Variants in COA1 observed in about 807,000 individuals in gnomAD.
COA1 encodes the protein cytochrome c oxidase assembly factor 1, also known as cytochrome c oxidase assembly factor 1 homolog.
Under a neutral mutation model 16.0 loss-of-function variants are expected in COA1, and 13 were observed. That is an observed-to-expected ratio of 0.81 (90% CI 0.53 to 1.29). The LOEUF is 1.29. COA1 is among the 50% of genes most tolerant of loss of function. COA1 has a pLI of 0.00. For synonymous variants in COA1, 65 were observed against 65.7 expected (o/e 0.99, Z 0.05); for missense variants, 179 against 177.0 (o/e 1.01, Z -0.06).
At chr7:43,649,284 G>A (rs916123375) in intron 1 of COA1, 1 of 152,268 alleles carries the variant, frequency 6.6e-6, no homozygotes, top group African/African-American at 2.4e-5. Flanking sequence ...GCACTAATAA[G>A]TGAATAAGTG....
At chr7:43,616,891 C>T (rs1452746780) in intron 6 of COA1, among the ~76,000 whole-genome samples, 3 of 151,998 alleles carry the variant, frequency 2.0e-5, no homozygotes, top group Admixed American at 1.3e-4. Flanking sequence ...AGTGAGACTC[C>T]GTCTCAAAAA....
At chr7:43,640,414 T>C (rs1215658120) in intron 5 of COA1, among the ~76,000 whole-genome samples, 159 bp downstream of exon 5, 1 of 152,258 alleles carries the variant, frequency 6.6e-6, no homozygotes, top group African/African-American at 2.4e-5. Context: ...GCCGCAGTAC[T>C]GGCTTGCTGC....
chr7:43,663,171 G>A (rs1584643834), intron 1 of COA1, among the ~76,000 whole-genome samples: 2 of 152,162 alleles, frequency 1.3e-5, no homozygotes, highest in East Asian at 1.9e-4. Context: ...GCTCTCTCTC[G>A]CTCCTGCTCT....
intron 1 of COA1, among the ~76,000 whole-genome samples, chr7:43,672,022 T>C (rs1377052236): frequency 6.6e-6 from 1 of 152,094 alleles, no homozygotes; most frequent in Admixed American, 6.5e-5. Context: ...TAATACACTA[T>C]GCATCCAACA....
At chr7:43,720,995 CA>C (rs2095495646) in intron 1 of COA1, among the ~76,000 whole-genome samples, 1 of 152,196 alleles carries the variant, frequency 6.6e-6, no homozygotes, top group Non-Finnish European at 1.5e-5. Flanking sequence ...CACCAACTAC[CA>C]GAGATGTTAT....
intron 3 of COA1, chr7:43,646,271 T>C (rs1032966442): frequency 7.6e-5 from 21 of 275,304 alleles, no homozygotes; most frequent in African/African-American, 4.2e-4. Context: ...CCAGCTATGA[T>C]AGGAAAAGAA....
At chr7:43,682,499 A>G (rs531518404) in intron 1 of COA1, among the ~76,000 whole-genome samples, 2 of 152,338 alleles carry the variant, frequency 1.3e-5, no homozygotes, top group Admixed American at 6.5e-5. Context: ...TATTACAGAA[A>G]GTGAAGTAAT....
chr7:43,653,811 GGA>G (rs1482133435), intron 1 of COA1, among the ~76,000 whole-genome samples: 1 of 152,086 alleles, frequency 6.6e-6, no homozygotes, highest in Non-Finnish European at 1.5e-5. Flanking sequence ...AAGACTGCCT[GGA>G]GAGAGGGTCC....
intron 1 of COA1, among the ~76,000 whole-genome samples, chr7:43,725,398 A>G (rs1391991993): frequency 6.6e-6 from 1 of 152,228 alleles, no homozygotes; most frequent in Non-Finnish European, 1.5e-5. Flanking sequence ...TTTAAAAAAG[A>G]AAAGACAAAA....
intron 1 of COA1, among the ~76,000 whole-genome samples, chr7:43,707,346 T>C (rs1159156793): frequency 6.6e-6 from 1 of 152,188 alleles, no homozygotes; most frequent in Non-Finnish European, 1.5e-5. Context: ...ATTTACTGGG[T>C]ATTAAAAACT....
At chr7:43,706,079 C>T (rs1244105151) in intron 1 of COA1, among the ~76,000 whole-genome samples, 1 of 152,118 alleles carries the variant, frequency 6.6e-6, no homozygotes, top group Non-Finnish European at 1.5e-5. Flanking sequence ...AGATAGCCAT[C>T]TTGCTATTTG....
intron 1 of COA1, among the ~76,000 whole-genome samples, chr7:43,670,782 C>A (rs1032452069): frequency 1.3e-5 from 2 of 152,164 alleles, no homozygotes; most frequent in African/African-American, 4.8e-5. Flanking sequence ...TCTTTTCATT[C>A]TCCACTAAAA....
At chr7:43,685,691 C>G (rs910488857) in intron 1 of COA1, among the ~76,000 whole-genome samples, 2 of 152,172 alleles carry the variant, frequency 1.3e-5, no homozygotes, top group African/African-American at 4.8e-5. Context: ...CTGTCAGAAT[C>G]AGAGTCCTGG....
chr7:43,623,793 C>T (rs778221851), intron 6 of COA1: 2 of 1,608,208 alleles, frequency 1.2e-6, no homozygotes, highest in South Asian at 2.2e-5. Flanking sequence ...TCTTAAACAT[C>T]TCACAGATGA....
intron 1 of COA1, among the ~76,000 whole-genome samples, chr7:43,700,571 CATATATACGTGT>C (rs754438285): frequency 8.0e-5 from 11 of 136,850 alleles, no homozygotes; most frequent in African/African-American, 1.4e-4. Context: ...TATATGTACA[CATATATACGTGT>C]ATATATACGT....
chr7:43,653,857 A>T (rs2091295052), intron 1 of COA1, among the ~76,000 whole-genome samples: 1 of 152,120 alleles, frequency 6.6e-6, no homozygotes, highest in Admixed American at 6.5e-5. Context: ...GATTTTTTTT[A>T]AAGATTAATA....
chr7:43,709,227 C>T (rs1191600688), intron 1 of COA1, among the ~76,000 whole-genome samples: 1 of 151,868 alleles, frequency 6.6e-6, no homozygotes, highest in Non-Finnish European at 1.5e-5. Flanking sequence ...GGGGTTTCAC[C>T]ATGTTAGCCA....
At chr7:43,683,840 A>G (rs1381221551) in intron 1 of COA1, among the ~76,000 whole-genome samples, 1 of 152,214 alleles carries the variant, frequency 6.6e-6, no homozygotes, top group Non-Finnish European at 1.5e-5. Context: ...TTCTTGCTGC[A>G]TAAGAAAGTC....
intron 1 of COA1, among the ~76,000 whole-genome samples, chr7:43,701,220 A>G (rs892506695): frequency 2.6e-5 from 4 of 152,054 alleles, no homozygotes; most frequent in Non-Finnish European, 5.9e-5. Context: ...TAAGCATAGT[A>G]CCCAATAGGT....
Sources: allele counts gnomAD v4.1 joint callset (sites outside exome capture counted in the v4.1 genomes callset), GRCh38; gene constraint gnomAD v4.1.1; transcripts MANE v1.5; gene names NCBI Gene and HGNC (gene_info 2026-07-23, HGNC 2026-07-21).